The following PDLIM5 variants were observed in gnomAD, a reference collection of about 807,000 sequenced individuals.
PDLIM5 encodes the protein PDZ and LIM domain 5.
Under a neutral mutation model 64.2 loss-of-function variants are expected in PDLIM5, and 34 were observed. The observed-to-expected ratio is 0.53, with a 90% CI of 0.40 to 0.71. PDLIM5 has a LOEUF of 0.71. Among genes scored for constraint, PDLIM5 ranks in the 30% least tolerant of loss-of-function variants. PDLIM5 has a pLI of 0.00. For synonymous variants in PDLIM5, 253 were observed against 269.1 expected, an observed-to-expected ratio of 0.94 and a Z score of 0.59; for missense variants, 683 against 733.6, an observed-to-expected ratio of 0.93 and a Z score of 0.80.
chr4:94,633,125 T>C (rs1578509694), intron 8 of PDLIM5, among the ~76,000 whole-genome samples: 1 of 152,190 alleles, frequency 6.6e-6, no homozygotes, highest in Non-Finnish European at 1.5e-5. Context: ...AGAGATTATA[T>C]TACAATATAG....
At chr4:94,569,670 T>C (rs1734643662) in intron 3 of PDLIM5, among the ~76,000 whole-genome samples, 1 of 152,192 alleles carries the variant, frequency 6.6e-6, no homozygotes, top group Non-Finnish European at 1.5e-5. Context: ...AATGAGAGAA[T>C]GACACCTAAA....
At chr4:94,593,126 A>G (rs1205378959) in intron 7 of PDLIM5, among the ~76,000 whole-genome samples, 2 of 152,190 alleles carry the variant, frequency 1.3e-5, no homozygotes, top group Non-Finnish European at 2.9e-5. Flanking sequence ...TTTAAAAACA[A>G]AAGTCTTAGT....
chr4:94,622,570 G>A (rs909707377), intron 8 of PDLIM5, among the ~76,000 whole-genome samples: 5 of 152,146 alleles, frequency 3.3e-5, no homozygotes, highest in Admixed American at 6.5e-5. Context: ...AGAAATGCCT[G>A]CCCTTTGCAG....
chr4:94,521,233 C>T (rs1225364517), intron 2 of PDLIM5, among the ~76,000 whole-genome samples: 4 of 151,760 alleles, frequency 2.6e-5, no homozygotes, highest in African/African-American at 4.8e-5. Flanking sequence ...CTTTCCAGTG[C>T]GAGAGGTAAT....
intron 3 of PDLIM5, among the ~76,000 whole-genome samples, chr4:94,539,199 C>T (rs1003221910): frequency 1.3e-5 from 2 of 152,072 alleles, no homozygotes; most frequent in Non-Finnish European, 2.9e-5. Context: ...CTTAGTAATA[C>T]GTGAATAAGT....
At chr4:94,632,053 C>A (rs538858339) in intron 8 of PDLIM5, among the ~76,000 whole-genome samples, 4 of 152,370 alleles carry the variant, frequency 2.6e-5, no homozygotes, top group African/African-American at 9.6e-5. Flanking sequence ...ACACGCATAG[C>A]GTAGCGCCTG....
chr4:94,662,583 A>G (rs1175668887), intron 12 of PDLIM5, 46 bp downstream of exon 12: 2 of 783,746 alleles, frequency 2.6e-6, no homozygotes, highest in Non-Finnish European at 4.4e-6. Context: ...AGTATGGCCA[A>G]TTCTAGCTTT....
chr4:94,573,561 C>T, intron 4 of PDLIM5, 168 bp downstream of exon 4: 3 of 715,528 alleles, frequency 4.2e-6, no homozygotes, highest in Non-Finnish European at 7.7e-6. Context: ...TGGAGATCAG[C>T]ACATACCATT....
intron 2 of PDLIM5, among the ~76,000 whole-genome samples, chr4:94,500,805 A>G (rs988406989): frequency 2.0e-5 from 3 of 151,076 alleles, no homozygotes; most frequent in African/African-American, 7.4e-5. Context: ...ATTTATTTTT[A>G]GACAGAATCT....
chr4:94,558,440 G>T (rs1357342146), intron 3 of PDLIM5, among the ~76,000 whole-genome samples: 1 of 152,166 alleles, frequency 6.6e-6, no homozygotes, highest in Non-Finnish European at 1.5e-5. Flanking sequence ...AATTGTGGTA[G>T]AATGGGCAAT....
chr4:94,608,331 C>T (rs148995676), intron 7 of PDLIM5, among the ~76,000 whole-genome samples: 20 of 152,292 alleles, frequency 1.3e-4, no homozygotes, highest in African/African-American at 2.6e-4. Context: ...CTCAAAACAG[C>T]GCTTCTCACT....
At chr4:94,616,835 T>TA (rs1418723989) in intron 7 of PDLIM5, among the ~76,000 whole-genome samples, 1 of 152,238 alleles carries the variant, frequency 6.6e-6, no homozygotes, top group East Asian at 1.9e-4. Context: ...AACTGTTTAG[T>TA]GTCAGAGATG....
intron 3 of PDLIM5, among the ~76,000 whole-genome samples, chr4:94,532,996 C>G (rs986504002): frequency 6.6e-6 from 1 of 152,150 alleles, no homozygotes; most frequent in Non-Finnish European, 1.5e-5. Context: ...GAGTGAGACT[C>G]TGTCTCAAAA....
rs546986454 is a variant in PDLIM5, at chr4:94,597,761, A to G, written c.920+11317A>G. Among the ~76,000 whole-genome samples, 34 of 152,294 alleles carry G rather than the reference A, an allele frequency of 2.2e-4. No individual in the cohort carries two copies. The South Asian group carries it at 6.4e-3, about 29-fold the overall frequency. Reference sequence around the variant, plus strand: ...AATAGAAGAGTGGTAAAAGGAAAATATAGTACTGATTTTCAAAAAAGGAAA... The same window carrying G: ...AATAGAAGAGTGGTAAAAGGAAAATGTAGTACTGATTTTCAAAAAAGGAAA... On this transcript the variant is annotated intron_variant, in intron 7 of 12. Transcript: ENST00000317968.
intron 2 of PDLIM5, among the ~76,000 whole-genome samples, chr4:94,470,341 G>A (rs375817219): frequency 1.3e-5 from 2 of 151,968 alleles, no homozygotes; most frequent in Admixed American, 6.6e-5. Flanking sequence ...GTGATGTTAC[G>A]ACCTTTTCTA....
chr4:94,615,330 G>A (rs947634663), intron 7 of PDLIM5, among the ~76,000 whole-genome samples: 32 of 152,122 alleles, frequency 2.1e-4, no homozygotes, highest in African/African-American at 7.5e-4. Context: ...TGCAGTTAAC[G>A]AATGTCCTGA....
chr4:94,626,773 A>G (rs561564057), intron 8 of PDLIM5, among the ~76,000 whole-genome samples: 1 of 151,416 alleles, frequency 6.6e-6, no homozygotes, highest in South Asian at 2.1e-4. Context: ...GAGAGATCTG[A>G]TATGTTGTTT....
At chr4:94,480,693 C>T (rs1263964349) in intron 2 of PDLIM5, among the ~76,000 whole-genome samples, 1 of 152,190 alleles carries the variant, frequency 6.6e-6, no homozygotes, top group Non-Finnish European at 1.5e-5. Flanking sequence ...CTTCAGACCT[C>T]TGCCATTGCC....
At chr4:94,581,899 G>C (rs1735763406) in intron 5 of PDLIM5, among the ~76,000 whole-genome samples, 1 of 152,142 alleles carries the variant, frequency 6.6e-6, no homozygotes, top group Admixed American at 6.5e-5. Flanking sequence ...CCTTTACCAT[G>C]TCTTATCAGA....
Sources: allele counts gnomAD v4.1 joint callset (sites outside exome capture counted in the v4.1 genomes callset), GRCh38; gene constraint gnomAD v4.1.1; transcripts MANE v1.5; gene names NCBI Gene and HGNC (gene_info 2026-07-23, HGNC 2026-07-21).